RPRD1B: variants seen among roughly 807,000 people sequenced by gnomAD.
The protein encoded by RPRD1B is regulation of nuclear pre-mRNA domain-containing protein 1B.
Under a neutral mutation model 41.5 loss-of-function variants are expected in RPRD1B, and 11 were observed. The observed-to-expected ratio is 0.27, with a 90% CI of 0.17 to 0.44. RPRD1B has a LOEUF of 0.44. RPRD1B is among the 20% of genes least tolerant of loss of function. The pLI is 1.00. For missense variants in RPRD1B, 248 were observed against 389.9 expected, an observed-to-expected ratio of 0.64 and a Z score of 3.06; for synonymous variants, 158 against 155.6, an observed-to-expected ratio of 1.02 and a Z score of -0.12.
rs972000368 is a variant in RPRD1B at position 38,033,821 on chromosome 20, C to A, written c.-127C>A. On this transcript the variant is annotated 5_prime_UTR_variant, in exon 1 of 7. Transcript: ENST00000373433. ...CCCATCCCCTCCCCCTTCTCGCACCCCTGGCAGTCTGTCAGTCGGTAAAAA... is the reference window on the plus strand; with the variant it reads ...CCCATCCCCTCCCCCTTCTCGCACCACTGGCAGTCTGTCAGTCGGTAAAAA... 3.8e-5 allele frequency: 36 copies of A among 950,104 alleles called. No individual in the cohort carries two copies. Among genetic ancestry groups the A allele is most frequent in the Non-Finnish European group, 5.3e-5 (35 of 658,338 alleles). 58.9% of individuals were successfully genotyped at this position (950,104 alleles called of 1,614,324 possible). A position where few individuals can be genotyped will look rare whatever the true frequency, so the allele number is the denominator to read the frequency against.
At chr20:38,036,997 T>C (rs1475444567) in intron 1 of RPRD1B, among the ~76,000 whole-genome samples, 1 of 152,190 alleles carries the variant, frequency 6.6e-6, no homozygotes, top group Non-Finnish European at 1.5e-5. Context: ...TTTCATGAAC[T>C]GAAAATGCCC....
intron 3 of RPRD1B, among the ~76,000 whole-genome samples, chr20:38,048,921 G>T (rs1735143178): frequency 6.6e-6 from 1 of 152,114 alleles, no homozygotes; most frequent in Non-Finnish European, 1.5e-5. Context: ...ATATCCTTAG[G>T]ATTGTCAGCA....
At chr20:38,034,937 T>C (rs76575169) in intron 1 of RPRD1B, among the ~76,000 whole-genome samples, 72 of 152,350 alleles carry the variant, frequency 4.7e-4, no homozygotes, top group Non-Finnish European at 3.4e-4. Flanking sequence ...AATTTTCTTA[T>C]CTACAGAATG....
At chr20:38,039,621 C>T (rs1332230387) in intron 1 of RPRD1B, among the ~76,000 whole-genome samples, 1 of 151,998 alleles carries the variant, frequency 6.6e-6, no homozygotes, top group African/African-American at 2.4e-5. Flanking sequence ...TCAGGCTGGT[C>T]TCAAACTCCC....
At chr20:38,074,286 T>C (rs1266435930) in intron 6 of RPRD1B, among the ~76,000 whole-genome samples, 1 of 152,218 alleles carries the variant, frequency 6.6e-6, no homozygotes, top group Non-Finnish European at 1.5e-5. Context: ...TTTAGTCTAC[T>C]GACCCTACTG....
At chr20:38,058,125 T>C (rs550729652) in intron 4 of RPRD1B, among the ~76,000 whole-genome samples, 2 of 152,296 alleles carry the variant, frequency 1.3e-5, no homozygotes, top group African/African-American at 4.8e-5. Context: ...TATTTGGCTA[T>C]ACAGGTTAGC....
intron 2 of RPRD1B, among the ~76,000 whole-genome samples, chr20:38,043,629 T>G (rs577587392): frequency 6.6e-6 from 1 of 152,294 alleles, no homozygotes; most frequent in South Asian, 2.1e-4. Flanking sequence ...TCAGAAGCAA[T>G]GGGAAGATAC....
At chr20:38,070,320 C>T (rs1011674224) in intron 6 of RPRD1B, 9 of 985,362 alleles carry the variant, frequency 9.1e-6, no homozygotes, top group Non-Finnish European at 8.4e-6. Flanking sequence ...ATGTTTTTGT[C>T]ATGAACATGA....
intron 2 of RPRD1B, among the ~76,000 whole-genome samples, chr20:38,042,193 A>C (rs918134877): frequency 6.6e-6 from 1 of 152,186 alleles, no homozygotes; most frequent in Non-Finnish European, 1.5e-5. Context: ...TCTACAAAAA[A>C]TTTTTTAAAA....
At position 38,073,584 on chromosome 20, in the gene RPRD1B, C is replaced by T. The variant is rs6097645; in HGVS notation, c.831+7328C>T. Among the ~76,000 whole-genome samples the T allele has an allele frequency of 5.8e-3, 891 of 152,310 alleles. 7 individuals carry two copies. The highest frequency in any genetic ancestry group is 0.02 in the African/African-American group (841 of 41,562). ...GATGGCAGATTGTTGTTTTTGGCAG[C>T]ACCTCCCTGCAGGGTGCAGATGGTT... On this transcript the variant is annotated intron_variant, in intron 6 of 6. Transcript: ENST00000373433.
intron 3 of RPRD1B, among the ~76,000 whole-genome samples, chr20:38,054,051 G>A (rs1162685376): frequency 3.9e-5 from 6 of 152,158 alleles, no homozygotes; most frequent in African/African-American, 1.4e-4. Context: ...TCAACCAGCT[G>A]TGACAAAGGG....
intron 3 of RPRD1B, 62 bp downstream of exon 3, chr20:38,048,543 A>G: frequency 6.5e-7 from 1 of 1,548,378 alleles, no homozygotes; most frequent in Non-Finnish European, 8.8e-7. Context: ...TCAAATATGA[A>G]AAGCTGCAGT....
intron 6 of RPRD1B, among the ~76,000 whole-genome samples, chr20:38,078,105 C>G (rs1041789496): frequency 2.0e-5 from 3 of 151,446 alleles, no homozygotes; most frequent in African/African-American, 7.3e-5. Context: ...GAGGTGAAGG[C>G]TGCAATGAGC....
intron 3 of RPRD1B, among the ~76,000 whole-genome samples, chr20:38,056,297 G>A (rs1195150793): frequency 6.6e-6 from 1 of 152,068 alleles, no homozygotes; most frequent in East Asian, 1.9e-4. Context: ...AGGCTGAGGT[G>A]GGAGAATTGC....
At chr20:38,072,423 T>C (rs1809719922) in intron 6 of RPRD1B, among the ~76,000 whole-genome samples, 1 of 152,064 alleles carries the variant, frequency 6.6e-6, no homozygotes, top group African/African-American at 2.4e-5. Flanking sequence ...CACTGTAGTT[T>C]TGTAGTAAGT....
chr20:38,046,361 C>G (rs926417864), intron 2 of RPRD1B, among the ~76,000 whole-genome samples: 9 of 152,172 alleles, frequency 5.9e-5, no homozygotes, highest in Non-Finnish European at 1.5e-5. Flanking sequence ...AACTGTATTA[C>G]TTACCGAAAC....
chr20:38,091,061 T>G lies in RPRD1B; in HGVS notation c.*1186T>G. On this transcript the variant is annotated 3_prime_UTR_variant, in exon 7 of 7. Transcript: ENST00000373433. ...CTGACATTATGACTATATAATGTAG[T>G]TAGAGACAATTTTTATCTTGCTTAT... 1 of 985,686 alleles carries G rather than the reference T, an allele frequency of 1.0e-6. No homozygotes were observed. The highest frequency in any genetic ancestry group is 1.2e-6 in the Non-Finnish European group (1 of 829,782). 61.1% of individuals were successfully genotyped at this position (985,686 alleles called of 1,614,324 possible). A position where few individuals can be genotyped will look rare whatever the true frequency, so the allele number is the denominator to read the frequency against.
rs558684548 is a variant in RPRD1B, at chr20:38,042,313, C to T, written c.281+1749C>T. 9.8e-4 allele frequency among the ~76,000 whole-genome samples: 149 copies of T among 152,180 alleles called. 1 individual carries two copies. The highest frequency in any genetic ancestry group is 3.4e-3 in the African/African-American group (142 of 41,498). ...AAGCTGTAGTGAGCTATAATCATACCACTGCACTCCAGGTTTAGCAACAGA... is the reference window on the plus strand; with the variant it reads ...AAGCTGTAGTGAGCTATAATCATACTACTGCACTCCAGGTTTAGCAACAGA... On this transcript the variant is annotated intron_variant, in intron 2 of 6. Coordinates refer to ENST00000373433, the MANE Select transcript of RPRD1B (RefSeq NM_021215.4).
chr20:38,078,989 A>G (rs975537047), intron 6 of RPRD1B, among the ~76,000 whole-genome samples: 1 of 152,196 alleles, frequency 6.6e-6, no homozygotes, highest in African/African-American at 2.4e-5. Context: ...TCAACTCTGC[A>G]TGTCTTTTCT....
Sources: allele counts gnomAD v4.1 joint callset (sites outside exome capture counted in the v4.1 genomes callset), GRCh38; gene constraint gnomAD v4.1.1; transcripts MANE v1.5; gene names NCBI Gene and HGNC (gene_info 2026-07-23, HGNC 2026-07-21).